The following CRACR2A variants were observed in gnomAD, a reference collection of about 807,000 sequenced individuals.
CRACR2A encodes the protein calcium release activated channel regulator 2A.
In CRACR2A, 79 loss-of-function variants were observed where a neutral mutation model predicts 90.5. That is an observed-to-expected ratio of 0.87 (90% CI 0.73 to 1.05). The LOEUF (loss-of-function observed/expected upper bound fraction) is 1.05. CRACR2A is among the 50% of genes least tolerant of loss of function. The probability of loss-of-function intolerance (pLI) is 0.00; values close to 1 mark genes in which losing one functional copy is unlikely to be tolerated. For synonymous variants in CRACR2A, 338 were observed against 356.7 expected, an observed-to-expected ratio of 0.95 and a Z score of 0.59; for missense variants, 823 against 897.2, an observed-to-expected ratio of 0.92 and a Z score of 1.06.
At chr12:3,727,807 A>T (rs533057206) in intron 2 of CRACR2A, 4 of 152,168 alleles carry the variant, frequency 2.6e-5, no homozygotes, top group Admixed American at 6.5e-5. Context: ...GTGATGGGTT[A>T]ATTAGAACCC....
At chr12:3,672,134 G>A (rs762203662) in intron 7 of CRACR2A, among the ~76,000 whole-genome samples, 6 of 152,164 alleles carry the variant, frequency 3.9e-5, no homozygotes, top group Non-Finnish European at 8.8e-5. Flanking sequence ...ATAATGCAGA[G>A]TCCTAAAAGT....
intron 1 of CRACR2A, among the ~76,000 whole-genome samples, chr12:3,744,188 C>T (rs949900072): frequency 6.6e-6 from 1 of 152,236 alleles, no homozygotes; most frequent in Non-Finnish European, 1.5e-5. Flanking sequence ...GCTAAACTCA[C>T]ACTTTCATAG....
intron 1 of CRACR2A, among the ~76,000 whole-genome samples, chr12:3,739,571 T>A (rs2137890405): frequency 6.6e-6 from 1 of 152,354 alleles, no homozygotes. Context: ...GAACTCGTGT[T>A]CAGCAGTTAT....
intron 2 of CRACR2A, among the ~76,000 whole-genome samples, chr12:3,722,934 A>C (rs82584): frequency 0.55 from 82,890 of 151,990 alleles, 22,950 homozygotes; most frequent in African/African-American, 0.62. Context: ...CTATTTCCTT[A>C]CCCTCTCTGA....
intron 4 of CRACR2A, among the ~76,000 whole-genome samples, chr12:3,690,727 C>T (rs1329988289): frequency 2.6e-5 from 4 of 152,038 alleles, no homozygotes; most frequent in Admixed American, 6.5e-5. Flanking sequence ...TAATTTTCTG[C>T]CTCATTGATC....
intron 1 of CRACR2A, among the ~76,000 whole-genome samples, chr12:3,734,841 A>G (rs10848913): frequency 0.43 from 64,919 of 151,824 alleles, 15,268 homozygotes; most frequent in African/African-American, 0.63. Context: ...CAGAGGGCAG[A>G]ACGGTGGTTG....
chr12:3,619,695 C>T (rs778106897), intron 17 of CRACR2A, among the ~76,000 whole-genome samples: 6 of 152,200 alleles, frequency 3.9e-5, no homozygotes, highest in Non-Finnish European at 5.9e-5. Context: ...GATGAGGGGA[C>T]AGTTGATGCC....
intron 7 of CRACR2A, 74 bp from the exon 8 acceptor site, chr12:3,659,728 C>CACCA: frequency 2.5e-6 from 3 of 1,190,498 alleles, no homozygotes; most frequent in Non-Finnish European, 3.8e-6. Flanking sequence ...AGCTCAGACA[C>CACCA]CAGTTCCCCA....
intron 11 of CRACR2A, among the ~76,000 whole-genome samples, chr12:3,647,120 C>A (rs1944700600): frequency 6.6e-6 from 1 of 152,284 alleles, no homozygotes; most frequent in East Asian, 1.9e-4. Flanking sequence ...GCCCTTCTCA[C>A]CCCGTCACAC....
intron 17 of CRACR2A, among the ~76,000 whole-genome samples, chr12:3,621,929 ACTAT>A (rs1944151295): frequency 1.3e-5 from 2 of 152,078 alleles, no homozygotes; most frequent in Admixed American, 6.5e-5. Context: ...GAGTGTGCTA[ACTAT>A]CACAGTCAGT....
At chr12:3,631,637 C>A (rs1944377505) in intron 15 of CRACR2A, among the ~76,000 whole-genome samples, 1 of 152,168 alleles carries the variant, frequency 6.6e-6, no homozygotes, top group South Asian at 2.1e-4. Context: ...CCATCTGGGT[C>A]CCAATTTTTG....
chr12:3,744,824 A>T (rs2137911943), intron 1 of CRACR2A, among the ~76,000 whole-genome samples: 1 of 152,334 alleles, frequency 6.6e-6, no homozygotes, highest in East Asian at 1.9e-4. Context: ...CTGGAGCCAC[A>T]GTTAAAACCA....
At chr12:3,618,965 T>C (rs539573762) in intron 18 of CRACR2A, among the ~76,000 whole-genome samples, 14 of 152,218 alleles carry the variant, frequency 9.2e-5, no homozygotes, top group East Asian at 7.7e-4. Context: ...TGGAGGGGGA[T>C]TGAAATAAGT....
rs1389725844 is a variant in CRACR2A at position 3,641,731 on chromosome 12, C to T, written c.1271+1G>A. ...GGGATGAGCAAGTGGAGATGACTTA[C>T]CTCCTAAGAATCCCTCTGCTGTCCA... On this transcript the variant is annotated splice_donor_variant, in intron 13 of 19. Transcript: ENST00000440314. LOFTEE classifies it high-confidence loss of function. 7.1e-6 allele frequency: 11 copies of T among 1,551,198 alleles called. No homozygotes were observed. The highest frequency in any genetic ancestry group is 9.6e-6 in the Non-Finnish European group (11 of 1,146,694).
intron 13 of CRACR2A, among the ~76,000 whole-genome samples, chr12:3,639,588 C>T (rs1360218746): frequency 6.6e-6 from 1 of 151,748 alleles, no homozygotes. Context: ...ATATGCAGAA[C>T]AGAGAAATAC....
intron 11 of CRACR2A, among the ~76,000 whole-genome samples, chr12:3,645,196 G>A (rs973246699): frequency 6.6e-6 from 1 of 152,192 alleles, no homozygotes; most frequent in Non-Finnish European, 1.5e-5. Flanking sequence ...AGTAAAAGAA[G>A]CCAGAGTGTG....
At chr12:3,657,680 G>A (rs1944940473) in intron 8 of CRACR2A, among the ~76,000 whole-genome samples, 1 of 152,208 alleles carries the variant, frequency 6.6e-6, no homozygotes, top group Non-Finnish European at 1.5e-5. Flanking sequence ...CAGAGAATCA[G>A]CCCCAGGGAA....
chr12:3,670,892 C>T (rs1198540461), intron 7 of CRACR2A, among the ~76,000 whole-genome samples: 3 of 152,176 alleles, frequency 2.0e-5, no homozygotes. Context: ...ACACAGTTCC[C>T]TAGCAGGGAG....
chr12:3,692,580 G>A (rs1379359553), intron 4 of CRACR2A, among the ~76,000 whole-genome samples: 2 of 152,182 alleles, frequency 1.3e-5, no homozygotes, highest in Non-Finnish European at 2.9e-5. Flanking sequence ...GGTGGTGTCA[G>A]CCAGCCAAAG....
Sources: gnomAD v4.1 joint callset for allele counts (sites outside exome capture counted in the v4.1 genomes callset) on GRCh38, gnomAD v4.1.1 for gene constraint, MANE v1.5 for transcripts, NCBI Gene and HGNC (gene_info 2026-07-23, HGNC 2026-07-21) for gene names.